CFAP100: variants seen among roughly 807,000 people sequenced by gnomAD.
The protein encoded by CFAP100 is cilia- and flagella-associated protein 100.
CFAP100 carries 70 observed loss-of-function variants against 81.5 expected under a neutral mutation model. The observed-to-expected ratio is 0.86, with a 90% CI of 0.71 to 1.05. The LOEUF (loss-of-function observed/expected upper bound fraction) is 1.05. CFAP100 is among the 50% of genes least tolerant of loss of function. The pLI, the probability that CFAP100 is intolerant of heterozygous loss-of-function variation, is 0.00. For synonymous variants in CFAP100, 341 were observed against 314.8 expected (o/e 1.08, Z -0.88); for missense variants, 811 against 776.5 (o/e 1.04, Z -0.53).
chr3:126,415,220 G>A (rs1228056622), intron 4 of CFAP100, among the ~76,000 whole-genome samples: 1 of 150,884 alleles, frequency 6.6e-6, no homozygotes, highest in African/African-American at 2.4e-5. Context: ...GTCACCAAAC[G>A]CCATCTTCAC....
rs59283185 is a variant in CFAP100 at position 126,420,157 on chromosome 3, G to A, written c.1010G>A (p.Arg337Gln). 1,733 of 1,612,834 alleles carry A rather than the reference G, an allele frequency of 1.1e-3. 12 individuals carry two copies. In the African/African-American group the frequency reaches 0.019, roughly 17 times the overall value. Residue 337 changes from arginine to glutamine, a missense_variant, in exon 11 of 17, where the codon CGG becomes CAG. Physicochemically the swap from Arg to Gln is conservative, Grantham distance 43. Transcript: ENST00000352312. ...WRFLQTMRLGRSPSYLSSPQQ... is the reference protein window; with the variant it reads ...WRFLQTMRLGQSPSYLSSPQQ... ...TTTCTGCAGACGATGCGGCTGGGGC[G>A]GAGCCCGTCTTACCTGAGCAGCCCC...
At position 126,419,960 on chromosome 3, in the gene CFAP100, C is replaced by G; in HGVS notation, c.914-20C>G. ...TGGCTGCAGCTGAGGCCATCGGGGC[C>G]CCCCCTTTGCTTCCTGCAGGACCAG... On this transcript the variant is annotated intron_variant, in intron 9 of 16. Transcript: ENST00000352312. 1 of 1,612,846 alleles carries G rather than the reference C, an allele frequency of 6.2e-7. No homozygotes were observed. The highest frequency in any genetic ancestry group is 8.5e-7 in the Non-Finnish European group (1 of 1,179,862).
intron 5 of CFAP100, chr3:126,418,017 T>TCGGTGGTCG: frequency 6.0e-6 from 1 of 167,682 alleles, no homozygotes; most frequent in Non-Finnish European, 1.3e-5. Context: ...CAGTGTAGAC[T>TCGGTGGTCG]CAGCCTCTGC....
chr3:126,430,506 A>T (rs1177378456), intron 13 of CFAP100, among the ~76,000 whole-genome samples: 1 of 152,192 alleles, frequency 6.6e-6, no homozygotes, highest in Non-Finnish European at 1.5e-5. Flanking sequence ...AAATAAAAAT[A>T]AAAAATACTT....
At chr3:126,407,031 T>C (rs1056556287) in intron 2 of CFAP100, 141 bp from the exon 3 acceptor site, 2 of 558,174 alleles carry the variant, frequency 3.6e-6, no homozygotes, top group African/African-American at 3.7e-5. Context: ...ATCTCTGGGA[T>C]GTAGAGCCCT....
chr3:126,402,228 A>G (rs2082996658), intron 2 of CFAP100, among the ~76,000 whole-genome samples: 3 of 152,170 alleles, frequency 2.0e-5, no homozygotes, highest in Non-Finnish European at 1.5e-5. Flanking sequence ...TGGGACAAAC[A>G]TGGCTCCTGC....
At position 126,413,996 on chromosome 3, in the gene CFAP100, T is replaced by G; in HGVS notation, c.131-89T>G. 8 of 844,322 alleles carry G rather than the reference T, an allele frequency of 9.5e-6. No individual in the cohort carries two copies. The South Asian group carries it at 1.1e-4, about 12-fold the overall frequency. The allele number at this position is 844,322 out of a possible 1,614,324, so 52.3% of individuals were successfully genotyped here. A position where few individuals can be genotyped will look rare whatever the true frequency, so the allele number is the denominator to read the frequency against. On this transcript the variant is annotated intron_variant, in intron 3 of 16. Transcript: ENST00000352312. ...CCCACTCACTCATGCTTTTCCATGC[T>G]GGGCTGGGAAGGCAGTGGGGCCCCA...
intron 5 of CFAP100, chr3:126,417,911 T>A (rs2083268373): frequency 6.5e-6 from 1 of 153,260 alleles, no homozygotes; most frequent in South Asian, 2.1e-4. Context: ...GGGGCCCCTA[T>A]GGCCCTTGGC....
intron 5 of CFAP100, among the ~76,000 whole-genome samples, chr3:126,417,279 C>T (rs181587855): frequency 3.1e-4 from 45 of 146,712 alleles, no homozygotes; most frequent in African/African-American, 1.1e-3. Flanking sequence ...TGTGCTAATA[C>T]ATTGGCTGTA....
At chr3:126,397,938 G>C (rs1259902815) in intron 2 of CFAP100, among the ~76,000 whole-genome samples, 1 of 152,188 alleles carries the variant, frequency 6.6e-6, no homozygotes, top group African/African-American at 2.4e-5. Flanking sequence ...TAGGCGGCTG[G>C]CCAGGCCCAA....
chr3:126,400,970 G>A (rs1576614378), intron 2 of CFAP100, among the ~76,000 whole-genome samples: 1 of 152,358 alleles, frequency 6.6e-6, no homozygotes, highest in South Asian at 2.1e-4. Flanking sequence ...TACAGAACAT[G>A]TGGTGCATCC....
intron 13 of CFAP100, among the ~76,000 whole-genome samples, chr3:126,431,256 T>C (rs1933212821): frequency 6.6e-6 from 1 of 152,138 alleles, no homozygotes; most frequent in African/African-American, 2.4e-5. Context: ...TCAGCCCCTG[T>C]GCCTTTTATT....
At chr3:126,407,729 T>C (rs1450003352) in intron 3 of CFAP100, among the ~76,000 whole-genome samples, 1 of 152,190 alleles carries the variant, frequency 6.6e-6, no homozygotes, top group Admixed American at 6.5e-5. Context: ...CAAGCAGCAA[T>C]GTCTTCCCAC....
intron 3 of CFAP100, among the ~76,000 whole-genome samples, chr3:126,409,658 C>G (rs192969153): frequency 6.6e-6 from 1 of 152,296 alleles, no homozygotes; most frequent in South Asian, 2.1e-4. Context: ...ATGTTAGTAT[C>G]TCATATTTCC....
intron 11 of CFAP100, 142 bp downstream of exon 11, chr3:126,420,371 G>A (rs998996515): frequency 8.0e-7 from 1 of 1,245,966 alleles, no homozygotes; most frequent in Non-Finnish European, 1.1e-6. Flanking sequence ...GCCAGACAGG[G>A]ACGTCCCAGG....
rs937980146 is a variant in CFAP100, at chr3:126,400,720, C to G, written c.49+4671C>G. Among the ~76,000 whole-genome samples the G allele has an allele frequency of 3.3e-5, 5 of 152,110 alleles. No homozygotes were observed. The South Asian group carries it at 8.3e-4, about 25-fold the overall frequency. ...TGAGCCAAGATTGCGCCACTGCACT[C>G]CAGCCTGGGCGACAGAGCGAGACTC... On this transcript the variant is annotated intron_variant, in intron 2 of 16. Transcript: ENST00000352312.
intron 13 of CFAP100, among the ~76,000 whole-genome samples, chr3:126,428,477 T>TA (rs1295888144): frequency 1.3e-5 from 2 of 152,158 alleles, no homozygotes; most frequent in African/African-American, 4.8e-5. Flanking sequence ...ACCCATAGAA[T>TA]ACACAGTACC....
intron 5 of CFAP100, among the ~76,000 whole-genome samples, chr3:126,417,410 C>G (rs2083260881): frequency 6.6e-6 from 1 of 152,208 alleles, no homozygotes; most frequent in Admixed American, 6.5e-5. Flanking sequence ...AGATCAGAGT[C>G]CTGGCGCACA....
chr3:126,429,161 T>C (rs1933082133), intron 13 of CFAP100, among the ~76,000 whole-genome samples: 1 of 144,844 alleles, frequency 6.9e-6, no homozygotes, highest in Non-Finnish European at 1.5e-5. Context: ...ATTCTTTAAA[T>C]GTTTGGTAGA....
Sources: gnomAD v4.1 joint callset for allele counts (sites outside exome capture counted in the v4.1 genomes callset) on GRCh38, gnomAD v4.1.1 for gene constraint, MANE v1.5 for transcripts, NCBI Gene and HGNC (gene_info 2026-07-23, HGNC 2026-07-21) for gene names.